LTBP1: variants seen among roughly 807,000 people sequenced by gnomAD.
The protein encoded by LTBP1 is latent transforming growth factor beta binding protein 1.
A neutral mutation model predicts 207.6 loss-of-function variants in LTBP1; 129 were observed. The observed-to-expected ratio is 0.62, with a 90% CI of 0.54 to 0.72. The LOEUF is 0.72. Among genes scored for constraint, LTBP1 ranks in the 30% least tolerant of loss-of-function variants. LTBP1 has a pLI of 0.00. For missense variants in LTBP1, 2,281 were observed against 2,217.2 expected, an observed-to-expected ratio of 1.03 and a Z score of -0.58; for synonymous variants, 963 against 833.7, an observed-to-expected ratio of 1.16 and a Z score of -2.67.
intron 3 of LTBP1, among the ~76,000 whole-genome samples, chr2:33,047,462 G>A (rs761454228): frequency 6.6e-6 from 1 of 152,166 alleles, no homozygotes; most frequent in East Asian, 1.9e-4. Context: ...TAATTTGATT[G>A]CACTGTGGCC....
At chr2:33,331,741 C>T (rs1365995366) in intron 24 of LTBP1, among the ~76,000 whole-genome samples, 3 of 151,976 alleles carry the variant, frequency 2.0e-5, no homozygotes, top group Non-Finnish European at 2.9e-5. Flanking sequence ...ATATCCCTAC[C>T]GATTTTTTGT....
chr2:33,121,159 C>CTTTTTTTTTTTTTTTTTTTT (rs61065486), intron 4 of LTBP1, among the ~76,000 whole-genome samples: 4 of 87,536 alleles, frequency 4.6e-5, no homozygotes, highest in African/African-American at 9.8e-5. Context: ...TTTGTAAAGT[C>CTTTTTTTTTTTTTTTTTTTT]TTTTTTTTTT....
rs548479359 is a variant in LTBP1 at position 33,342,901 on chromosome 2, G to A, written c.3794G>A (p.Gly1265Asp). 2 of 1,614,002 alleles carry A rather than the reference G, an allele frequency of 1.2e-6. No homozygotes were observed. The highest frequency in any genetic ancestry group is 4.5e-5 in the East Asian group (2 of 44,888). The change falls in exon 25 of 34, where the codon GGC (glycine) becomes GAC (aspartate). Residue 1265 changes from glycine (G) to aspartate (D), a missense_variant. By Grantham distance (94) the Gly-to-Asp change is moderately conservative (BLOSUM62 -1). This residue lies in a region of LTBP1 where 1,671 missense variants were observed against 1,634.8 expected (regional missense o/e 1.02). Coordinates refer to ENST00000404816, the MANE Select transcript of LTBP1 (RefSeq NM_206943.4). ...CACGGGTTTTGTGACAATACAGCTG[G>A]CTCCTTCCGCTGCCTCTGTTATCAG... ...DSHGFCDNTAGSFRCLCYQGF... is the reference protein window; with the variant it reads ...DSHGFCDNTADSFRCLCYQGF...
chr2:32,961,248 A>C (rs1244986159), intron 2 of LTBP1, among the ~76,000 whole-genome samples: 2 of 152,052 alleles, frequency 1.3e-5, no homozygotes, highest in African/African-American at 4.8e-5. Flanking sequence ...TGCTGACTGG[A>C]CCTCCGGGTC....
chr2:32,959,235 A>C (rs1390385626), intron 2 of LTBP1, among the ~76,000 whole-genome samples: 1 of 152,142 alleles, frequency 6.6e-6, no homozygotes. Context: ...AGGTGTTGCT[A>C]TCCGAAGTTG....
intron 7 of LTBP1, among the ~76,000 whole-genome samples, chr2:33,202,674 T>G (rs2089444485): frequency 1.3e-5 from 2 of 152,198 alleles, no homozygotes; most frequent in African/African-American, 2.4e-5. Flanking sequence ...ATAAAACATC[T>G]TACTTATGTG....
rs1451796166 is a variant in LTBP1 at position 33,060,931 on chromosome 2, A to G, written c.863+39725A>G. Among the ~76,000 whole-genome samples the G allele has an allele frequency of 3.9e-5, 6 of 152,152 alleles. No individual in the cohort carries two copies. In the East Asian group the frequency reaches 1.2e-3, roughly 29 times the overall value. ...TGAAATAGCTCTTGCAAACAATTATATGAATCAAAACTGAAAACTAATTGT... is the reference window on the plus strand; with the variant it reads ...TGAAATAGCTCTTGCAAACAATTATGTGAATCAAAACTGAAAACTAATTGT... On this transcript the variant is annotated intron_variant, in intron 3 of 33. Coordinates refer to ENST00000404816, the MANE Select transcript of LTBP1 (RefSeq NM_206943.4).
At chr2:33,148,081 T>C (rs770530111) in intron 5 of LTBP1, among the ~76,000 whole-genome samples, 14 of 152,178 alleles carry the variant, frequency 9.2e-5, no homozygotes, top group Non-Finnish European at 1.8e-4. Context: ...CTGCCAATAG[T>C]GTGGTGGTCT....
At chr2:33,387,757 C>A (rs2095279743) in intron 31 of LTBP1, among the ~76,000 whole-genome samples, 1 of 144,436 alleles carries the variant, frequency 6.9e-6, no homozygotes, top group Non-Finnish European at 1.5e-5. Context: ...TTGTATGTTG[C>A]AAGAATAAAC....
intron 3 of LTBP1, among the ~76,000 whole-genome samples, chr2:33,056,666 C>T (rs771535937): frequency 9.9e-5 from 15 of 152,000 alleles, no homozygotes; most frequent in Non-Finnish European, 1.6e-4. Context: ...GAGTTTCTTC[C>T]TTCTGGGTTT....
intron 2 of LTBP1, among the ~76,000 whole-genome samples, chr2:32,962,864 T>C (rs998095197): frequency 2.0e-5 from 3 of 152,220 alleles, no homozygotes; most frequent in African/African-American, 7.2e-5. Context: ...AACCAGGAGC[T>C]CTGGGATGGG....
At chr2:33,000,080 A>G (rs985266965) in intron 2 of LTBP1, among the ~76,000 whole-genome samples, 5 of 134,140 alleles carry the variant, frequency 3.7e-5, no homozygotes, top group African/African-American at 1.0e-4. Context: ...AGTTCTCCCA[A>G]ATTCTTCTTA....
At chr2:33,390,128 C>T (rs985738143) in intron 32 of LTBP1, among the ~76,000 whole-genome samples, 1 of 152,064 alleles carries the variant, frequency 6.6e-6, no homozygotes, top group Non-Finnish European at 1.5e-5. Context: ...AAGAATTGCC[C>T]TTTTGGTCAG....
chr2:33,256,612 A>T (rs1303168854), intron 11 of LTBP1, among the ~76,000 whole-genome samples: 2 of 151,182 alleles, frequency 1.3e-5, no homozygotes, highest in African/African-American at 4.9e-5. Flanking sequence ...GCAACATGAG[A>T]TATATAATAC....
At chr2:33,103,188 C>T (rs117267463) in intron 3 of LTBP1, among the ~76,000 whole-genome samples, 3 of 152,118 alleles carry the variant, frequency 2.0e-5, no homozygotes, top group East Asian at 1.9e-4. Flanking sequence ...ATGCTGTATG[C>T]ACTGTCTGTA....
intron 7 of LTBP1, among the ~76,000 whole-genome samples, chr2:33,191,845 A>G (rs1012198050): frequency 1.3e-5 from 2 of 152,242 alleles, no homozygotes; most frequent in South Asian, 4.1e-4. Flanking sequence ...ATCTATGTTT[A>G]TATGTTGCTA....
chr2:33,244,684 G>A (rs1472481823), intron 10 of LTBP1, among the ~76,000 whole-genome samples: 2 of 151,132 alleles, frequency 1.3e-5, no homozygotes, highest in African/African-American at 4.9e-5. Context: ...TGTTGCCTAG[G>A]CTGGACTCAA....
At chr2:33,391,379 A>T (rs1163742245) in intron 32 of LTBP1, among the ~76,000 whole-genome samples, 1 of 152,072 alleles carries the variant, frequency 6.6e-6, no homozygotes, top group Non-Finnish European at 1.5e-5. Context: ...CACAGCTACA[A>T]GACTGTGCAC....
At chr2:32,959,619 A>ATTTT (rs1378144146) in intron 2 of LTBP1, among the ~76,000 whole-genome samples, 12 of 48,086 alleles carry the variant, frequency 2.5e-4, no homozygotes, top group African/African-American at 7.1e-4. Context: ...ATATATATAT[A>ATTTT]TATTTTTTTT....
Sources: allele counts gnomAD v4.1 joint callset (sites outside exome capture counted in the v4.1 genomes callset), GRCh38; gene constraint gnomAD v4.1.1; regional missense constraint gnomAD v4.1.1; transcripts MANE v1.5; gene names NCBI Gene and HGNC (gene_info 2026-07-23, HGNC 2026-07-21).